Variants in CENPL observed in about 807,000 individuals in gnomAD.
CENPL encodes the protein interphase centromere complex protein 33.
A neutral mutation model predicts 35.2 loss-of-function variants in CENPL; 20 were observed. That is an observed-to-expected ratio of 0.57 (90% CI 0.40 to 0.83). CENPL has a LOEUF of 0.83. Among genes scored for constraint, CENPL ranks in the 40% least tolerant of loss-of-function variants. The pLI is 0.00. For missense variants in CENPL, 363 were observed against 395.8 expected, an observed-to-expected ratio of 0.92 and a Z score of 0.70; for synonymous variants, 140 against 140.6, an observed-to-expected ratio of 1.00 and a Z score of 0.03.
At chr1:173,804,727 C>T (rs1650053507) in intron 4 of CENPL, among the ~76,000 whole-genome samples, 1 of 152,150 alleles carries the variant, frequency 6.6e-6, no homozygotes, top group Non-Finnish European at 1.5e-5. Context: ...GCTCATTGGA[C>T]AATCCATTCA....
At chr1:173,815,420 G>A (rs999661891) in intron 2 of CENPL, among the ~76,000 whole-genome samples, 8 of 152,082 alleles carry the variant, frequency 5.3e-5, no homozygotes, top group Admixed American at 2.0e-4. Flanking sequence ...TGATGAACAT[G>A]GATGCAAAAA....
chr1:173,809,959 TCA>T (rs1471049541), intron 3 of CENPL, among the ~76,000 whole-genome samples: 1 of 152,208 alleles, frequency 6.6e-6, no homozygotes, highest in African/African-American at 2.4e-5. Context: ...TGGCAATTCC[TCA>T]AAGACCTAGA....
intron 4 of CENPL, among the ~76,000 whole-genome samples, chr1:173,803,935 G>A (rs1649988447): frequency 6.6e-6 from 1 of 152,134 alleles, no homozygotes; most frequent in Non-Finnish European, 1.5e-5. Context: ...GCCACCCAAA[G>A]TACTAGGATT....
intron 2 of CENPL, among the ~76,000 whole-genome samples, chr1:173,819,870 T>G (rs200870824): frequency 2.0e-3 from 173 of 85,262 alleles, no homozygotes; most frequent in Non-Finnish European, 5.7e-4. Context: ...TTTTTGTTTG[T>G]TTTTTTTTTT....
chr1:173,819,554 A>C (rs1381345785), intron 2 of CENPL, among the ~76,000 whole-genome samples: 1 of 152,138 alleles, frequency 6.6e-6, no homozygotes, highest in Non-Finnish European at 1.5e-5. Context: ...ACACCACTGC[A>C]CTCCAGCCTG....
chr1:173,818,003 G>C (rs1010313584), intron 2 of CENPL, among the ~76,000 whole-genome samples: 6 of 152,034 alleles, frequency 3.9e-5, no homozygotes, highest in Non-Finnish European at 7.4e-5. Context: ...GGGGCCTGTC[G>C]AGGGGTCAGT....
At chr1:173,809,574 T>G (rs1571960864) in intron 3 of CENPL, among the ~76,000 whole-genome samples, 1 of 148,184 alleles carries the variant, frequency 6.7e-6, no homozygotes, top group Non-Finnish European at 1.5e-5. Flanking sequence ...CCTGGCTGGG[T>G]GACAGAGTGA....
intron 4 of CENPL, among the ~76,000 whole-genome samples, chr1:173,804,088 C>CA (rs960120274): frequency 3.3e-5 from 5 of 151,654 alleles, no homozygotes; most frequent in Admixed American, 1.3e-4. Context: ...AACAAACAAA[C>CA]AAAAAAAACC....
At chr1:173,802,298 C>T (rs960448976) in intron 5 of CENPL, among the ~76,000 whole-genome samples, 15 of 152,066 alleles carry the variant, frequency 9.9e-5, no homozygotes, top group African/African-American at 3.4e-4. Context: ...CTCCGCCTCT[C>T]GGGTTCACAC....
At chr1:173,821,920 C>T (rs546233261) in intron 2 of CENPL, 2 of 152,162 alleles carry the variant, frequency 1.3e-5, no homozygotes, top group African/African-American at 2.4e-5. Flanking sequence ...ATCCTCCCAC[C>T]TCAGCCTCTC....
chr1:173,812,184 C>T (rs1650898209), intron 2 of CENPL, among the ~76,000 whole-genome samples: 1 of 152,248 alleles, frequency 6.6e-6, no homozygotes, highest in Non-Finnish European at 1.5e-5. Flanking sequence ...CTGGGCGAAG[C>T]CCACCACAGC....
At chr1:173,812,308 G>C (rs1001191032) in intron 2 of CENPL, among the ~76,000 whole-genome samples, 2 of 152,244 alleles carry the variant, frequency 1.3e-5, no homozygotes, top group Non-Finnish European at 1.5e-5. Context: ...GCTCTGAAGA[G>C]AGCAGTGGTT....
chr1:173,816,908 G>A (rs976842649), intron 2 of CENPL, among the ~76,000 whole-genome samples: 2 of 152,186 alleles, frequency 1.3e-5, no homozygotes, highest in Non-Finnish European at 2.9e-5. Flanking sequence ...GGGATGCTGA[G>A]GCGGGTGGAT....
intron 3 of CENPL, among the ~76,000 whole-genome samples, chr1:173,809,602 A>G (rs1043432099): frequency 6.6e-6 from 1 of 151,940 alleles, no homozygotes; most frequent in East Asian, 1.9e-4. Flanking sequence ...TCTAAAAAAA[A>G]AAAACAAAAC....
chr1:173,821,302 A>G (rs143452193), intron 2 of CENPL, among the ~76,000 whole-genome samples: 1 of 152,350 alleles, frequency 6.6e-6, no homozygotes, highest in East Asian at 1.9e-4. Flanking sequence ...GTTAGAGTGG[A>G]AGAGTCAGGA....
chr1:173,816,182 G>C (rs1218568125), intron 2 of CENPL, among the ~76,000 whole-genome samples: 1 of 152,154 alleles, frequency 6.6e-6, no homozygotes. Flanking sequence ...CAAAATAAAA[G>C]AGGACACAAA....
chr1:173,811,880 C>T (rs1305901576), intron 2 of CENPL, among the ~76,000 whole-genome samples: 2 of 152,218 alleles, frequency 1.3e-5, no homozygotes, highest in African/African-American at 4.8e-5. Context: ...ACCTGGGAAG[C>T]GCAAGGGGTC....
At chr1:173,817,297 C>T (rs1651499109) in intron 2 of CENPL, among the ~76,000 whole-genome samples, 1 of 152,060 alleles carries the variant, frequency 6.6e-6, no homozygotes, top group South Asian at 2.1e-4. Flanking sequence ...AGGACTTAAA[C>T]AAATTTACAA....
At chr1:173,820,670 C>T (rs1651857173) in intron 2 of CENPL, among the ~76,000 whole-genome samples, 1 of 152,018 alleles carries the variant, frequency 6.6e-6, no homozygotes, top group South Asian at 2.1e-4. Context: ...AAATTGAAAA[C>T]AACTCAGTGG....
Sources: allele counts gnomAD v4.1 joint callset (sites outside exome capture counted in the v4.1 genomes callset), GRCh38; gene constraint gnomAD v4.1.1; transcripts MANE v1.5; gene names NCBI Gene and HGNC (gene_info 2026-07-23, HGNC 2026-07-21).